The following SGCD variants were observed in gnomAD, a reference collection of about 807,000 sequenced individuals.
SGCD encodes the protein sarcoglycan delta.
Under a neutral mutation model 36.6 loss-of-function variants are expected in SGCD, and 18 were observed. The ratio of observed to expected loss-of-function variants is 0.49; its 90% CI spans 0.34 to 0.73. The LOEUF is 0.73. Among genes scored for constraint, SGCD ranks in the 30% least tolerant of loss-of-function variants. The pLI, the probability that SGCD is intolerant of heterozygous loss-of-function variation, is 0.01. For missense variants in SGCD, 387 were observed against 346.7 expected (o/e 1.12, Z -0.92); for synonymous variants, 133 against 130.6 (o/e 1.02, Z -0.12).
chr5:155,740,864 A>G, the SGCD span, among the ~76,000 whole-genome samples: 3 of 152,240 alleles, frequency 2.0e-5, no homozygotes, highest in Non-Finnish European at 4.4e-5. Context: ...AAAGAGTCAA[A>G]TCTGTGAAAT....
intron 7 of SGCD, among the ~76,000 whole-genome samples, chr5:156,654,166 A>G (rs1173650499): frequency 6.6e-6 from 1 of 152,200 alleles, no homozygotes; most frequent in Non-Finnish European, 1.5e-5. Context: ...CAATTACCCA[A>G]TAACCCAATG....
At chr5:156,312,279 A>T (rs1223977107) in intron 3 of SGCD, among the ~76,000 whole-genome samples, 1 of 152,198 alleles carries the variant, frequency 6.6e-6, no homozygotes, top group East Asian at 1.9e-4. Flanking sequence ...CACAGTTCTC[A>T]GATACATAGA....
chr5:156,113,107 A>G (rs1050228515), intron 1 of SGCD, among the ~76,000 whole-genome samples: 1 of 152,160 alleles, frequency 6.6e-6, no homozygotes, highest in Non-Finnish European at 1.5e-5. Flanking sequence ...CCCCTCTTCT[A>G]TGCGGTGAGC....
chr5:156,073,500 C>T (rs1028659044), intron 1 of SGCD, among the ~76,000 whole-genome samples: 2 of 152,184 alleles, frequency 1.3e-5, no homozygotes, highest in African/African-American at 4.8e-5. Context: ...GAGGTGGAGG[C>T]TGCAGGGAGC....
chr5:156,189,500 T>A (rs1375983530), intron 3 of SGCD, among the ~76,000 whole-genome samples: 1 of 152,134 alleles, frequency 6.6e-6, no homozygotes, highest in African/African-American at 2.4e-5. Context: ...ATTATGAGTA[T>A]AAAGATCATT....
At chr5:156,638,505 C>G (rs1375573319) in intron 6 of SGCD, among the ~76,000 whole-genome samples, 1 of 152,156 alleles carries the variant, frequency 6.6e-6, no homozygotes, top group Non-Finnish European at 1.5e-5. Flanking sequence ...TGTCAAGCAG[C>G]CTTCTCAGCT....
chr5:156,178,561 C>T (rs1470520345), intron 3 of SGCD, among the ~76,000 whole-genome samples: 1 of 152,046 alleles, frequency 6.6e-6, no homozygotes, highest in Non-Finnish European at 1.5e-5. Context: ...ATAATTTTAT[C>T]TTATAGACAA....
At chr5:156,110,225 T>C (rs1761750667) in intron 1 of SGCD, among the ~76,000 whole-genome samples, 1 of 152,178 alleles carries the variant, frequency 6.6e-6, no homozygotes, top group South Asian at 2.1e-4. Flanking sequence ...GTGGAGATTA[T>C]AGGAGAACCT....
At chr5:155,901,975 C>T (rs1756401256) in intron 1 of SGCD, among the ~76,000 whole-genome samples, 2 of 152,148 alleles carry the variant, frequency 1.3e-5, no homozygotes. Flanking sequence ...GGAACTTACC[C>T]TGCTTCACTG....
chr5:156,074,820 G>T (rs932418859), intron 1 of SGCD, among the ~76,000 whole-genome samples: 1 of 152,192 alleles, frequency 6.6e-6, no homozygotes, highest in African/African-American at 2.4e-5. Context: ...GGATAAACAG[G>T]TGTGCTAACA....
At chr5:156,008,744 A>G (rs1445916238) in intron 1 of SGCD, among the ~76,000 whole-genome samples, 1 of 152,176 alleles carries the variant, frequency 6.6e-6, no homozygotes, top group Non-Finnish European at 1.5e-5. Context: ...ATATGACTTT[A>G]TTGTAATTAA....
intron 3 of SGCD, among the ~76,000 whole-genome samples, chr5:156,444,117 C>CTCT (rs1561699488): frequency 3.4e-4 from 14 of 41,450 alleles, no homozygotes; most frequent in Middle Eastern, 0.025. Flanking sequence ...TCTCTCTCTC[C>CTCT]CCTTCCCTCT....
intron 3 of SGCD, among the ~76,000 whole-genome samples, chr5:156,281,399 C>G (rs1766449330): frequency 6.6e-6 from 1 of 152,140 alleles, no homozygotes. Flanking sequence ...AGGAGGATTT[C>G]AGGCACTGTT....
At chr5:155,900,602 G>A (rs1457185405) in intron 1 of SGCD, among the ~76,000 whole-genome samples, 2 of 121,302 alleles carry the variant, frequency 1.6e-5, no homozygotes, top group Admixed American at 2.3e-4. Flanking sequence ...AGTCCCCAGA[G>A]TGTGATATTC....
At chr5:156,599,979 T>C (rs548740192) in intron 6 of SGCD, among the ~76,000 whole-genome samples, 1 of 152,296 alleles carries the variant, frequency 6.6e-6, no homozygotes, top group South Asian at 2.1e-4. Flanking sequence ...AATAGTACAG[T>C]GTGTGGAACA....
intron 3 of SGCD, among the ~76,000 whole-genome samples, chr5:156,220,125 G>A (rs943670464): frequency 7.9e-5 from 12 of 152,080 alleles, no homozygotes; most frequent in African/African-American, 1.7e-4. Flanking sequence ...GAATTCATAC[G>A]TGCTGGAGCT....
At chr5:156,513,102 T>C (rs1024133041) in intron 4 of SGCD, among the ~76,000 whole-genome samples, 10 of 152,196 alleles carry the variant, frequency 6.6e-5, no homozygotes, top group Admixed American at 6.5e-4. Context: ...CTTTCTTTGA[T>C]ATGTCCACAA....
intron 1 of SGCD, among the ~76,000 whole-genome samples, chr5:155,988,543 T>C (rs574580589): frequency 6.6e-6 from 1 of 152,146 alleles, no homozygotes; most frequent in Non-Finnish European, 1.5e-5. Context: ...CCAGCCGCAG[T>C]GTATGCTATT....
At chr5:156,698,906 T>C (rs924282764) in intron 7 of SGCD, among the ~76,000 whole-genome samples, 6 of 150,342 alleles carry the variant, frequency 4.0e-5, no homozygotes, top group African/African-American at 1.5e-4. Context: ...GCCTGGAACA[T>C]AGGAAATATC....
Sources: gnomAD v4.1 joint callset for allele counts (sites outside exome capture counted in the v4.1 genomes callset) on GRCh38, gnomAD v4.1.1 for gene constraint, MANE v1.5 for transcripts, NCBI Gene and HGNC (gene_info 2026-07-23, HGNC 2026-07-21) for gene names.